NPHP1: variants seen among roughly 807,000 people sequenced by gnomAD.
NPHP1 encodes the protein nephrocystin 1.
In NPHP1, 70 loss-of-function variants were observed where a neutral mutation model predicts 90.4. The observed-to-expected ratio is 0.77, with a 90% confidence interval of 0.64 to 0.95. NPHP1 has a LOEUF of 0.95. Among genes scored for constraint, NPHP1 ranks in the 40% least tolerant of loss-of-function variants. The pLI, the probability that NPHP1 is intolerant of heterozygous loss-of-function variation, is 0.00. For missense variants in NPHP1, 764 were observed against 795.9 expected, an observed-to-expected ratio of 0.96 and a Z score of 0.48; for synonymous variants, 256 against 271.7, an observed-to-expected ratio of 0.94 and a Z score of 0.57.
At chr2:110,202,513 C>A (rs746141291) in intron 1 of NPHP1, 4 of 435,830 alleles carry the variant, frequency 9.2e-6, no homozygotes, top group South Asian at 6.5e-5. Flanking sequence ...CTAATACTAT[C>A]AAAACAAACT....
chr2:110,126,897 A>G (rs1467945850), intron 18 of NPHP1: 1 of 152,584 alleles, frequency 6.6e-6, no homozygotes, highest in Non-Finnish European at 1.5e-5. Flanking sequence ...GTTACATGTC[A>G]ATGTCCCACC....
intron 1 of NPHP1, among the ~76,000 whole-genome samples, chr2:110,204,496 G>C (rs1685793048): frequency 6.6e-6 from 1 of 152,182 alleles, no homozygotes; most frequent in East Asian, 1.9e-4. Flanking sequence ...AGGCTGAAAG[G>C]AAATGGGCTT....
chr2:110,187,383 A>G (rs1262585114), intron 2 of NPHP1, among the ~76,000 whole-genome samples: 1 of 152,184 alleles, frequency 6.6e-6, no homozygotes, highest in Non-Finnish European at 1.5e-5. Flanking sequence ...AGAATACTAT[A>G]AACACCTCTA....
chr2:110,143,549 C>G lies in NPHP1; in HGVS notation c.1522G>C (p.Val508Leu), dbSNP rs573192954. 1.8e-5 allele frequency: 29 copies of G among 1,609,874 alleles called. No homozygotes were observed. Among genetic ancestry groups the G allele is most frequent in the Non-Finnish European group, 2.4e-5 (28 of 1,176,206 alleles). The change falls in exon 16 of 20, where the codon GTA becomes CTA. Residue 508 changes from valine (V) to leucine (L), a missense_variant. By Grantham distance (32) the Val-to-Leu change is conservative. Transcript: ENST00000445609. ...GTAAAAGCAGGTACCCACCTTAGTA[C>G]ATTTCTTGATCTTCTGTTCAAGGAT... ...LRSLNRRSRNVLSLLPETLIG... is the reference protein window; with the variant it reads ...LRSLNRRSRNLLSLLPETLIG...
In NPHP1 at chr2:110,146,855, T is replaced by C. The variant is rs754198831; in HGVS notation, c.1270-20A>G. The C allele has an allele frequency of 2.1e-5, 34 of 1,582,486 alleles. 1 individual carries two copies. Among genetic ancestry groups the C allele is most frequent in the Non-Finnish European group, 2.1e-5 (24 of 1,151,212 alleles). ...AGTTGACTAGGAAATAAGACAAGTA[T>C]ATGAAACTTAAGGTCTGAACTAGTC... On this transcript the variant is annotated intron_variant, in intron 13 of 19. Coordinates refer to ENST00000445609, the MANE Select transcript of NPHP1 (RefSeq NM_001128178.3).
intron 16 of NPHP1, among the ~76,000 whole-genome samples, chr2:110,136,858 A>C (rs927355213): frequency 1.3e-5 from 2 of 152,188 alleles, no homozygotes; most frequent in African/African-American, 4.8e-5. Context: ...AAGAGCCCGC[A>C]TTGCCAAGTC....
chr2:110,176,820 C>G (rs1281374504), intron 4 of NPHP1, among the ~76,000 whole-genome samples: 1 of 152,160 alleles, frequency 6.6e-6, no homozygotes, highest in Non-Finnish European at 1.5e-5. Context: ...CAGTGTTTTT[C>G]CAGGACTATA....
At chr2:110,184,514 C>A in intron 2 of NPHP1, 1 of 1,167,648 alleles carries the variant, frequency 8.6e-7, no homozygotes. Flanking sequence ...CAGGCAGGAC[C>A]ACGGGGGTGG....
chr2:110,170,970 A>G lies in NPHP1; in HGVS notation c.330-972T>C, dbSNP rs1435050992. Among the ~76,000 whole-genome samples, 3 of 152,126 alleles carry G rather than the reference A, an allele frequency of 2.0e-5. No homozygotes were observed. The South Asian group carries it at 6.2e-4, about 32-fold the overall frequency. ...TGTAGCCCAGGTGAGCTTTACCTTT[A>G]AAGTCGCCCCTAAAAATGAGTAGGG... On this transcript the variant is annotated intron_variant, in intron 4 of 19. Coordinates refer to ENST00000445609, the MANE Select transcript of NPHP1 (RefSeq NM_001128178.3).
At chr2:110,192,984 C>T (rs1311894816) in intron 2 of NPHP1, among the ~76,000 whole-genome samples, 3 of 152,054 alleles carry the variant, frequency 2.0e-5, no homozygotes, top group Non-Finnish European at 4.4e-5. Context: ...CCAGGCCTGC[C>T]CTAAAAGAGC....
chr2:110,162,537 A>G (rs2104551746), intron 9 of NPHP1, among the ~76,000 whole-genome samples: 1 of 152,284 alleles, frequency 6.6e-6, no homozygotes, highest in African/African-American at 2.4e-5. Context: ...ATCCTCTTTA[A>G]AATGAGCTTA....
rs1052995955 is a variant in NPHP1, at chr2:110,179,611, C to T, written c.204+13G>A. 3 of 1,225,540 alleles carry T rather than the reference C, an allele frequency of 2.4e-6. No homozygotes were observed. Among genetic ancestry groups the T allele is most frequent in the East Asian group, 2.3e-5 (1 of 42,594 alleles). 75.9% of individuals were successfully genotyped at this position (1,225,540 alleles called of 1,614,324 possible). On this transcript the variant is annotated intron_variant, in intron 3 of 19. Coordinates refer to ENST00000445609, the MANE Select transcript of NPHP1 (RefSeq NM_001128178.3). ...AGAGATGTTTTAATAATGTGATTAA[C>T]CTCAATACTTACTTTGCTTAATTTT... is the stretch of plus-strand genomic sequence containing the variant.
At chr2:110,165,759 A>G (rs1419936111) in intron 6 of NPHP1, among the ~76,000 whole-genome samples, 2 of 152,082 alleles carry the variant, frequency 1.3e-5, no homozygotes, top group African/African-American at 2.4e-5. Context: ...TTAGAAATCA[A>G]TGAAAGAGTT....
chr2:110,154,897 G>A (rs1451943965), intron 11 of NPHP1, among the ~76,000 whole-genome samples: 3 of 152,164 alleles, frequency 2.0e-5, no homozygotes, highest in Admixed American at 2.0e-4. Context: ...ATTCAAGCCG[G>A]CTGCAGAAAT....
At position 110,125,727 on chromosome 2, in the gene NPHP1, T is replaced by C. The variant is rs764481084; in HGVS notation, c.1717-46A>G. The C allele has an allele frequency of 2.0e-6, 3 of 1,480,710 alleles. No individual in the cohort carries two copies. In the East Asian group the frequency reaches 6.8e-5, roughly 33 times the overall value. 91.7% of individuals were successfully genotyped at this position (1,480,710 alleles called of 1,614,324 possible). On this transcript the variant is annotated intron_variant, in intron 18 of 19. Coordinates refer to ENST00000445609, the MANE Select transcript of NPHP1 (RefSeq NM_001128178.3). ...TTATGTTAGTCCAAGTAGTAACAAG[T>C]CCTTGCAACACTTATGCAAATTTAC...
intron 4 of NPHP1, among the ~76,000 whole-genome samples, chr2:110,174,689 G>GT (rs1162363578): frequency 6.6e-6 from 1 of 151,928 alleles, no homozygotes; most frequent in Non-Finnish European, 1.5e-5. Context: ...AAAAATTTGA[G>GT]TTGTCTGGCG....
chr2:110,182,255 G>A (rs537271836), intron 2 of NPHP1, among the ~76,000 whole-genome samples: 3 of 151,798 alleles, frequency 2.0e-5, no homozygotes, highest in African/African-American at 7.3e-5. Flanking sequence ...AGCAAGACAA[G>A]CCAACATTCA....
intron 2 of NPHP1, among the ~76,000 whole-genome samples, chr2:110,182,622 C>T (rs1251858363): frequency 6.6e-6 from 1 of 152,132 alleles, no homozygotes; most frequent in African/African-American, 2.4e-5. Context: ...CAGGCCTGCC[C>T]TGCAAGAGCT....
In NPHP1 at chr2:110,164,270, C is replaced by T. The variant is rs544731288; in HGVS notation, c.771+418G>A. On this transcript the variant is annotated intron_variant, in intron 8 of 19. Transcript: ENST00000445609. Reference sequence around the variant, plus strand: ...CAAGCTGGTCTTGAATTCCTGGCCTCAAGTGATCCTCCTGCTTCAGCTTCC... The same window carrying T: ...CAAGCTGGTCTTGAATTCCTGGCCTTAAGTGATCCTCCTGCTTCAGCTTCC... The T allele has an allele frequency of 2.2e-5, 11 of 510,172 alleles. No individual in the cohort carries two copies. The East Asian group carries it at 3.6e-4, about 17-fold the overall frequency. 31.6% of individuals were successfully genotyped at this position (510,172 alleles called of 1,614,324 possible).
Sources: allele counts gnomAD v4.1 joint callset (sites outside exome capture counted in the v4.1 genomes callset), GRCh38; gene constraint gnomAD v4.1.1; transcripts MANE v1.5; gene names NCBI Gene and HGNC (gene_info 2026-07-23, HGNC 2026-07-21).